FAM135A: variants seen among roughly 807,000 people sequenced by gnomAD.
FAM135A encodes family with sequence similarity 135 member A.
Under a neutral mutation model 146.8 loss-of-function variants are expected in FAM135A, and 79 were observed. The ratio of observed to expected loss-of-function variants is 0.54; its 90% CI spans 0.45 to 0.65. The LOEUF (loss-of-function observed/expected upper bound fraction) is 0.65, where lower values mean the gene tolerates loss of function less well. Among genes scored for constraint, FAM135A ranks in the 30% least tolerant of loss-of-function variants. The pLI is 0.00. For synonymous variants in FAM135A, 562 were observed against 603.6 expected (o/e 0.93, Z 1.01); for missense variants, 1,623 against 1,758.2 (o/e 0.92, Z 1.38).
At chr6:70,464,931 G>A (rs552740490) in intron 5 of FAM135A, among the ~76,000 whole-genome samples, 2 of 137,794 alleles carry the variant, frequency 1.5e-5, no homozygotes, top group African/African-American at 5.5e-5. Flanking sequence ...TGATCCACCT[G>A]CCTTGGCCTC....
Position 70,428,364 on chromosome 6 carries a change from G to A in FAM135A, c.22G>A (p.Val8Ile), listed in dbSNP as rs867851493. The A allele has an allele frequency of 5.0e-6, 8 of 1,602,088 alleles. No homozygotes were observed. The East Asian group carries it at 9.0e-5, about 18-fold the overall frequency. Reference protein sequence around the residue: MTEVQAMVEFSVELNKFY... With the variant: MTEVQAMIEFSVELNKFY... ...AAAAATGACTGAAGTTCAAGCAATG[G>A]TAGAATTCTCTGTGGAGCTAAACAA... Residue 8 changes from valine to isoleucine, a missense_variant, in exon 4 of 22, where the codon GTA becomes ATA. By Grantham distance (29) the Val-to-Ile change is conservative. Transcript: ENST00000418814.
At chr6:70,465,542 C>T (rs1300238097) in intron 5 of FAM135A, among the ~76,000 whole-genome samples, 1 of 152,132 alleles carries the variant, frequency 6.6e-6, no homozygotes, top group Non-Finnish European at 1.5e-5. Flanking sequence ...ACCTCAGCCC[C>T]ATGAGTCACA....
intron 2 of FAM135A, among the ~76,000 whole-genome samples, chr6:70,423,717 G>A (rs1769378195): frequency 6.6e-6 from 1 of 152,196 alleles, no homozygotes. Context: ...TGGCTAAAAG[G>A]AAGGGAAAAC....
intron 7 of FAM135A, 68 bp from the exon 8 acceptor site, chr6:70,477,091 A>G (rs1782754391): frequency 1.4e-6 from 2 of 1,417,102 alleles, no homozygotes; most frequent in Non-Finnish European, 1.9e-6. Context: ...TATAGTTTCA[A>G]CTACTTTATA....
At chr6:70,468,177 C>T (rs1197043129) in intron 5 of FAM135A, among the ~76,000 whole-genome samples, 3 of 152,150 alleles carry the variant, frequency 2.0e-5, no homozygotes, top group African/African-American at 7.2e-5. Flanking sequence ...GAATTCTTCT[C>T]TATGGTTTCT....
chr6:70,505,199 G>A (rs1452814564), intron 12 of FAM135A, among the ~76,000 whole-genome samples: 1 of 151,806 alleles, frequency 6.6e-6, no homozygotes, highest in Non-Finnish European at 1.5e-5. Context: ...TAAGAATATG[G>A]ACATTCTCTT....
intron 5 of FAM135A, among the ~76,000 whole-genome samples, chr6:70,456,136 C>A (rs1444570332): frequency 6.6e-6 from 1 of 152,214 alleles, no homozygotes; most frequent in Non-Finnish European, 1.5e-5. Context: ...TTCTTAACCA[C>A]TAAAGTTGTC....
At chr6:70,450,080 A>G (rs1217284087) in intron 4 of FAM135A, among the ~76,000 whole-genome samples, 1 of 152,018 alleles carries the variant, frequency 6.6e-6, no homozygotes, top group African/African-American at 2.4e-5. Flanking sequence ...TTATTCATGC[A>G]CTTTGCCCAT....
chr6:70,510,067 C>A (rs76941933), intron 12 of FAM135A, among the ~76,000 whole-genome samples: 2,865 of 151,916 alleles, frequency 0.019, 96 homozygotes, highest in African/African-American at 0.065. Context: ...AGAGAACATG[C>A]CATTTGCTGC....
At chr6:70,493,676 G>A (rs527792963) in intron 11 of FAM135A, among the ~76,000 whole-genome samples, 68 of 152,216 alleles carry the variant, frequency 4.5e-4, no homozygotes, top group African/African-American at 1.6e-3. Flanking sequence ...TCATAATATT[G>A]TAAAAATGTT....
chr6:70,528,528 T>C (rs1795165774), intron 16 of FAM135A, 76 bp downstream of exon 16: 4 of 1,311,418 alleles, frequency 3.1e-6, no homozygotes, highest in Non-Finnish European at 4.0e-6. Flanking sequence ...TAGTTTCATT[T>C]AGTCTTTGAA....
At chr6:70,518,542 T>A (rs1792819332) in intron 12 of FAM135A, among the ~76,000 whole-genome samples, 1 of 152,236 alleles carries the variant, frequency 6.6e-6, no homozygotes, top group African/African-American at 2.4e-5. Flanking sequence ...CATCTAGGAC[T>A]TTCATAGCTA....
intron 20 of FAM135A, among the ~76,000 whole-genome samples, chr6:70,539,770 C>T (rs977253447): frequency 7.9e-5 from 12 of 151,830 alleles, no homozygotes; most frequent in Non-Finnish European, 1.3e-4. Flanking sequence ...CTGAGGCGGG[C>T]GGATCACGAG....
intron 20 of FAM135A, among the ~76,000 whole-genome samples, chr6:70,548,465 A>G (rs907580011): frequency 3.3e-5 from 5 of 152,160 alleles, no homozygotes; most frequent in Non-Finnish European, 5.9e-5. Context: ...GTGAAAGGGT[A>G]TCTTTGAAAT....
intron 1 of FAM135A, chr6:70,414,077 C>T: frequency 1.0e-6 from 1 of 983,174 alleles, no homozygotes; most frequent in Non-Finnish European, 1.2e-6. Flanking sequence ...TTTCGTGGTT[C>T]TGCTTTTTCA....
chr6:70,432,046 T>C (rs1057445587), intron 4 of FAM135A, among the ~76,000 whole-genome samples: 1 of 152,170 alleles, frequency 6.6e-6, no homozygotes, highest in African/African-American at 2.4e-5. Flanking sequence ...AATAAAATCA[T>C]GTTAAGTTTT....
At chr6:70,486,521 G>A (rs748090841) in intron 10 of FAM135A, among the ~76,000 whole-genome samples, 5 of 152,130 alleles carry the variant, frequency 3.3e-5, no homozygotes, top group Non-Finnish European at 7.4e-5. Flanking sequence ...TCTATGAAGA[G>A]CACTTTTTCA....
At chr6:70,555,480 T>G (rs1800652151) in intron 20 of FAM135A, among the ~76,000 whole-genome samples, 1 of 152,102 alleles carries the variant, frequency 6.6e-6, no homozygotes, top group Non-Finnish European at 1.5e-5. Flanking sequence ...CTCAAACTCT[T>G]GGGCTCAGGC....
intron 8 of FAM135A, among the ~76,000 whole-genome samples, chr6:70,477,761 C>T (rs148119401): frequency 6.6e-6 from 1 of 152,064 alleles, no homozygotes; most frequent in African/African-American, 2.4e-5. Context: ...ATTAATGTAG[C>T]ATTTTTTTAT....
Sources: gnomAD v4.1 joint callset for allele counts (sites outside exome capture counted in the v4.1 genomes callset) on GRCh38, gnomAD v4.1.1 for gene constraint, MANE v1.5 for transcripts, NCBI Gene and HGNC (gene_info 2026-07-23, HGNC 2026-07-21) for gene names.